The following PRKN variants were observed in gnomAD, a reference collection of about 807,000 sequenced individuals.
PRKN encodes the protein parkin RBR E3 ubiquitin protein ligase.
Under a neutral mutation model 59.5 loss-of-function variants are expected in PRKN, and 56 were observed. That is an observed-to-expected ratio of 0.94 (90% CI 0.76 to 1.18). The LOEUF is 1.18. PRKN is among the 50% of genes most tolerant of loss of function. The pLI is 0.00. For missense variants in PRKN, 657 were observed against 596.4 expected (o/e 1.10, Z -1.06); for synonymous variants, 250 against 222.1 (o/e 1.13, Z -1.12).
chr6:161,372,302 C>T lies in PRKN; in HGVS notation c.1168-12097G>A, dbSNP rs1785472731. ...TCTCTAGTTTTTGGTTGGCTTAGGT[C>T]AGCAGTGACCAAAATTATCCACATA... On this transcript the variant is annotated intron_variant, in intron 10 of 11. Transcript: ENST00000366898. The surrounding 1 kb of genome is among the most constrained non-coding windows in gnomAD (Gnocchi z 4.2). Among the ~76,000 whole-genome samples, 1 of 152,134 alleles carries T rather than the reference C, an allele frequency of 6.6e-6. No individual in the cohort carries two copies. Among genetic ancestry groups the T allele is most frequent in the Non-Finnish European group, 1.5e-5 (1 of 68,020 alleles).
At chr6:161,777,742 T>TAG (rs1344306578) in intron 7 of PRKN, among the ~76,000 whole-genome samples, 1 of 138,410 alleles carries the variant, frequency 7.2e-6, no homozygotes, top group African/African-American at 2.8e-5. Context: ...TATATATGTA[T>TAG]ATATAGATAT....
chr6:162,072,817 C>T (rs1778637634), intron 4 of PRKN, among the ~76,000 whole-genome samples: 1 of 152,126 alleles, frequency 6.6e-6, no homozygotes, highest in Non-Finnish European at 1.5e-5. Flanking sequence ...TTGCACGTAA[C>T]AAACAGGACT....
At chr6:161,924,547 G>C (rs1778897753) in intron 6 of PRKN, among the ~76,000 whole-genome samples, 1 of 152,142 alleles carries the variant, frequency 6.6e-6, no homozygotes, top group African/African-American at 2.4e-5. Context: ...TCAGAATTCA[G>C]AATGAATTTC....
intron 3 of PRKN, among the ~76,000 whole-genome samples, chr6:162,237,810 G>A (rs187301038): frequency 6.6e-6 from 1 of 152,024 alleles, no homozygotes; most frequent in East Asian, 1.9e-4. Flanking sequence ...AAAAAGTGAG[G>A]TAGGAGGGTG....
chr6:161,409,282 A>G lies in PRKN; in HGVS notation c.1084-22405T>C, dbSNP rs144224583. On this transcript the variant is annotated intron_variant, in intron 9 of 11. Transcript: ENST00000366898. The surrounding 1 kb of genome is among the most constrained non-coding windows in gnomAD (Gnocchi z 4.6). ...TTTAAACTCTGTGGTAATGGTTGAG[A>G]ATACTCTTCATTACTACAAGCATTT... Among the ~76,000 whole-genome samples, 25 of 152,250 alleles carry G rather than the reference A, an allele frequency of 1.6e-4. 1 individual carries two copies. The East Asian group carries it at 3.1e-3, about 19-fold the overall frequency.
At chr6:162,100,791 C>G (rs1779936835) in intron 4 of PRKN, among the ~76,000 whole-genome samples, 1 of 152,068 alleles carries the variant, frequency 6.6e-6, no homozygotes, top group Non-Finnish European at 1.5e-5. Flanking sequence ...GAGGTAATAT[C>G]TCATTGTGGT....
At chr6:162,628,749 C>T (rs1437559711) in intron 1 of PRKN, among the ~76,000 whole-genome samples, 1 of 152,086 alleles carries the variant, frequency 6.6e-6, no homozygotes, top group East Asian at 1.9e-4. Context: ...AGCACTAGCT[C>T]AACCATAAGT....
At chr6:162,067,918 CAAAT>C (rs1778404815) in intron 4 of PRKN, among the ~76,000 whole-genome samples, 1 of 152,150 alleles carries the variant, frequency 6.6e-6, no homozygotes, top group African/African-American at 2.4e-5. Context: ...AAATACATGT[CAAAT>C]AAATAAGCAT....
intron 6 of PRKN, among the ~76,000 whole-genome samples, chr6:161,961,869 T>C (rs572761832): frequency 2.0e-5 from 3 of 152,318 alleles, no homozygotes; most frequent in African/African-American, 7.2e-5. Flanking sequence ...CCTGTGATAC[T>C]GATATAATAG....
At chr6:161,772,164 G>A (rs1163310505) in intron 7 of PRKN, among the ~76,000 whole-genome samples, 2 of 152,046 alleles carry the variant, frequency 1.3e-5, no homozygotes, top group South Asian at 2.1e-4. Context: ...AGCTAGAACA[G>A]TATTTTTTTT....
intron 4 of PRKN, among the ~76,000 whole-genome samples, chr6:162,177,558 A>T (rs6942112): frequency 0.019 from 2,891 of 152,320 alleles, 75 homozygotes; most frequent in East Asian, 0.093. Flanking sequence ...TATCAAAATA[A>T]CATAGTGCTT....
intron 2 of PRKN, among the ~76,000 whole-genome samples, chr6:162,371,808 T>C (rs185261894): frequency 6.6e-6 from 1 of 152,324 alleles, no homozygotes; most frequent in East Asian, 1.9e-4. Flanking sequence ...TGTTATTATG[T>C]TTCTTCACCT....
At chr6:162,455,550 T>A (rs1467749951) in intron 1 of PRKN, among the ~76,000 whole-genome samples, 1 of 152,144 alleles carries the variant, frequency 6.6e-6, no homozygotes, top group East Asian at 1.9e-4. Context: ...GGTACTATAA[T>A]CTTAAGGGAC....
At chr6:162,531,076 A>G (rs2128196553) in intron 1 of PRKN, among the ~76,000 whole-genome samples, 1 of 151,290 alleles carries the variant, frequency 6.6e-6, no homozygotes, top group South Asian at 2.1e-4. Flanking sequence ...AAAAAAAAAA[A>G]AATGTACAGG....
chr6:161,886,435 G>A (rs9355946), intron 6 of PRKN, among the ~76,000 whole-genome samples: 61,599 of 151,938 alleles, frequency 0.41, 12,480 homozygotes, highest in East Asian at 0.49. Flanking sequence ...AGTGGCTCAC[G>A]CCTGTAATCC....
rs73786422 is a variant in PRKN at position 161,673,032 on chromosome 6, G to A, written c.872-103616C>T. Among the ~76,000 whole-genome samples the A allele has an allele frequency of 2.3e-3, 344 of 152,220 alleles. 1 individual carries two copies. The highest frequency in any genetic ancestry group is 7.9e-3 in the African/African-American group (329 of 41,528). On this transcript the variant is annotated intron_variant, in intron 7 of 11. Transcript: ENST00000366898. ...ATCCTTCATAACTATAAAGCAACAG[G>A]ACTGATGAACCACACAGTGAATCCA... is the stretch of plus-strand genomic sequence containing the variant.
At chr6:161,534,194 C>T (rs1487371253) in intron 9 of PRKN, among the ~76,000 whole-genome samples, 1 of 152,146 alleles carries the variant, frequency 6.6e-6, no homozygotes, top group East Asian at 1.9e-4. Context: ...AATCATTCCT[C>T]CCTGGCCGTG....
intron 7 of PRKN, among the ~76,000 whole-genome samples, chr6:161,665,729 C>T (rs1433037984): frequency 2.0e-5 from 3 of 152,180 alleles, no homozygotes; most frequent in East Asian, 3.8e-4. Context: ...GATTTTTAAA[C>T]TCAATAATGA....
intron 1 of PRKN, among the ~76,000 whole-genome samples, chr6:162,467,373 C>A (rs565473426): frequency 2.0e-5 from 3 of 152,036 alleles, no homozygotes; most frequent in African/African-American, 7.2e-5. Context: ...ACTTATCATG[C>A]GCTCTCCTAA....
Sources: gnomAD v4.1 joint callset for allele counts (sites outside exome capture counted in the v4.1 genomes callset) on GRCh38, gnomAD v4.1.1 for gene constraint, Gnocchi (gnomAD v3.1) non-coding constraint, MANE v1.5 for transcripts, NCBI Gene and HGNC (gene_info 2026-07-23, HGNC 2026-07-21) for gene names.